Variants in ADCY2 observed in about 807,000 individuals in gnomAD.
The protein encoded by ADCY2 is adenylate cyclase 2.
ADCY2 carries 31 observed loss-of-function variants against 125.2 expected under a neutral mutation model. That is an observed-to-expected ratio of 0.25 (90% CI 0.19 to 0.33). The LOEUF (loss-of-function observed/expected upper bound fraction) is 0.33, where lower values mean the gene tolerates loss of function less well. Among genes scored for constraint, ADCY2 ranks in the 10% least tolerant of loss-of-function variants. The pLI, the probability that ADCY2 is intolerant of heterozygous loss-of-function variation, is 1.00. For missense variants in ADCY2, 904 were observed against 1,418.2 expected, an observed-to-expected ratio of 0.64 and a Z score of 5.82; for synonymous variants, 512 against 548.4, an observed-to-expected ratio of 0.93 and a Z score of 0.93.
chr5:7,705,328 G>A (rs116058752), intron 7 of ADCY2, among the ~76,000 whole-genome samples: 3,342 of 152,358 alleles, frequency 0.022, 67 homozygotes, highest in South Asian at 0.05. Context: ...AATTTCTGCT[G>A]AGGGCCGAGA....
At chr5:7,503,974 G>A (rs963891692) in intron 2 of ADCY2, among the ~76,000 whole-genome samples, 6 of 152,126 alleles carry the variant, frequency 3.9e-5, no homozygotes, top group South Asian at 2.1e-4. Flanking sequence ...TGTCCTTTGC[G>A]GGAGTTTACC....
intron 14 of ADCY2, among the ~76,000 whole-genome samples, chr5:7,741,945 T>G (rs571570412): frequency 1.3e-5 from 2 of 151,880 alleles, no homozygotes; most frequent in African/African-American, 4.8e-5. Context: ...CCGTCATTAT[T>G]ATCATCATCA....
intron 7 of ADCY2, 50 bp downstream of exon 7, chr5:7,698,424 G>C: frequency 1.9e-6 from 3 of 1,603,252 alleles, no homozygotes; most frequent in Non-Finnish European, 2.6e-6. Flanking sequence ...AAGTTCTGGG[G>C]TACATGTGCA....
At position 7,804,703 on chromosome 5, in the gene ADCY2, T is replaced by C; in HGVS notation, c.2883+11T>C. The C allele has an allele frequency of 6.2e-6, 10 of 1,610,198 alleles. No individual in the cohort carries two copies. Among genetic ancestry groups the C allele is most frequent in the Non-Finnish European group, 8.5e-6 (10 of 1,176,456 alleles). On this transcript the variant is annotated intron_variant, in intron 22 of 24. Coordinates refer to ENST00000338316, the MANE Select transcript of ADCY2 (RefSeq NM_020546.3). ...CAGGAGCACTCCCAGGTAAGACGCG[T>C]TGGCCACTTAACGGCACAGGTGAGC... is the stretch of plus-strand genomic sequence containing the variant.
At chr5:7,580,567 A>C (rs571921334) in intron 3 of ADCY2, among the ~76,000 whole-genome samples, 1 of 152,196 alleles carries the variant, frequency 6.6e-6, no homozygotes, top group African/African-American at 2.4e-5. Flanking sequence ...TGATTTTTTT[A>C]AGACAGCAAA....
intron 3 of ADCY2, among the ~76,000 whole-genome samples, chr5:7,529,612 T>G (rs1311478660): frequency 6.6e-6 from 1 of 152,216 alleles, no homozygotes; most frequent in African/African-American, 2.4e-5. Flanking sequence ...GAATCTGGGT[T>G]GGCCTCTGCT....
intron 4 of ADCY2, among the ~76,000 whole-genome samples, chr5:7,660,701 A>T (rs1186034986): frequency 1.3e-5 from 2 of 152,172 alleles, no homozygotes; most frequent in Admixed American, 1.3e-4. Flanking sequence ...TAAGTTCTTC[A>T]GTTGATTGGA....
intron 15 of ADCY2, among the ~76,000 whole-genome samples, chr5:7,748,525 C>CACACACACACACACACAG (rs1414927432): frequency 4.4e-4 from 21 of 47,354 alleles, no homozygotes; most frequent in African/African-American, 9.9e-4. Flanking sequence ...CTCCAACACA[C>CACACACACACACACACAG]ACACACACAC....
chr5:7,524,976 C>T (rs1309959518), intron 3 of ADCY2, among the ~76,000 whole-genome samples: 1 of 151,976 alleles, frequency 6.6e-6, no homozygotes, highest in African/African-American at 2.4e-5. Flanking sequence ...ATCAATTATA[C>T]ACCATTAGCA....
chr5:7,560,335 A>T (rs991997122), intron 3 of ADCY2, among the ~76,000 whole-genome samples: 1 of 152,206 alleles, frequency 6.6e-6, no homozygotes, highest in Non-Finnish European at 1.5e-5. Context: ...TGTCATTTTT[A>T]AAGATGGTAT....
intron 4 of ADCY2, among the ~76,000 whole-genome samples, chr5:7,632,398 C>T (rs1738344953): frequency 6.6e-6 from 1 of 152,092 alleles, no homozygotes; most frequent in South Asian, 2.1e-4. Context: ...GCCATAACTT[C>T]CATCCATCTT....
chr5:7,803,329 A>G (rs1306404846), intron 21 of ADCY2, among the ~76,000 whole-genome samples: 1 of 152,222 alleles, frequency 6.6e-6, no homozygotes, highest in African/African-American at 2.4e-5. Context: ...GTCTTAAATT[A>G]TTAGATATGT....
chr5:7,519,519 A>G (rs1408948768), intron 2 of ADCY2, among the ~76,000 whole-genome samples: 2 of 151,878 alleles, frequency 1.3e-5, no homozygotes, highest in African/African-American at 2.4e-5. Flanking sequence ...GTCCCTTCCA[A>G]CTGGATTGTT....
chr5:7,536,216 T>C (rs1017867826), intron 3 of ADCY2, among the ~76,000 whole-genome samples: 2 of 152,238 alleles, frequency 1.3e-5, no homozygotes, highest in Non-Finnish European at 2.9e-5. Flanking sequence ...CTTTCCCTGC[T>C]GAAGATTATC....
chr5:7,667,212 AAG>A (rs1245070214), intron 4 of ADCY2, among the ~76,000 whole-genome samples: 1 of 152,182 alleles, frequency 6.6e-6, no homozygotes, highest in Non-Finnish European at 1.5e-5. Flanking sequence ...GGGAAAGTGC[AAG>A]AGTAAACAAA....
intron 4 of ADCY2, among the ~76,000 whole-genome samples, chr5:7,653,277 G>A (rs527542615): frequency 4.6e-5 from 7 of 152,204 alleles, no homozygotes; most frequent in African/African-American, 1.4e-4. Flanking sequence ...CAGCCTGGGC[G>A]TGGGTTTCAC....
intron 3 of ADCY2, among the ~76,000 whole-genome samples, chr5:7,531,613 G>GC (rs1734646486): frequency 6.6e-6 from 1 of 152,178 alleles, no homozygotes; most frequent in African/African-American, 2.4e-5. Flanking sequence ...TCTGGTGGCA[G>GC]CCAGCAGTCC....
intron 3 of ADCY2, among the ~76,000 whole-genome samples, chr5:7,567,311 GT>G (rs1735924066): frequency 6.6e-6 from 1 of 152,072 alleles, no homozygotes; most frequent in African/African-American, 2.4e-5. Context: ...CTTCTCTCTG[GT>G]TTCTGTTGAT....
intron 15 of ADCY2, among the ~76,000 whole-genome samples, chr5:7,752,390 CCAAG>C (rs1235978844): frequency 6.6e-6 from 1 of 152,104 alleles, no homozygotes; most frequent in African/African-American, 2.4e-5. Flanking sequence ...ACTATATTTT[CCAAG>C]CAAGATTTTT....
Sources: gnomAD v4.1 joint callset for allele counts (sites outside exome capture counted in the v4.1 genomes callset) on GRCh38, gnomAD v4.1.1 for gene constraint, MANE v1.5 for transcripts, NCBI Gene and HGNC (gene_info 2026-07-23, HGNC 2026-07-21) for gene names.